Variants in LYN observed in about 807,000 individuals in gnomAD.
LYN encodes the protein tyrosine-protein kinase Lyn.
A neutral mutation model predicts 65.0 loss-of-function variants in LYN; 12 were observed. The ratio of observed to expected loss-of-function variants is 0.18; its 90% CI spans 0.12 to 0.30. The LOEUF is 0.30. Ranked by LOEUF, LYN falls within the 10% of genes least tolerant of loss-of-function variation. The pLI is 1.00. For missense variants in LYN, 380 were observed against 623.2 expected (o/e 0.61, Z 4.16); for synonymous variants, 222 against 221.2 (o/e 1.00, Z -0.03).
intron 12 of LYN, among the ~76,000 whole-genome samples, chr8:56,003,928 C>CTTT (rs1213079280): frequency 2.6e-3 from 277 of 104,668 alleles, no homozygotes; most frequent in Non-Finnish European, 4.4e-3. Flanking sequence ...ATATTTTATT[C>CTTT]TTTTTTTTTT....
intron 1 of LYN, chr8:55,940,197 C>T (rs1010016759): frequency 1.3e-5 from 2 of 152,238 alleles, no homozygotes; most frequent in Non-Finnish European, 2.9e-5. Context: ...ATCTCTCCTT[C>T]CTCTAGACTT....
intron 12 of LYN, among the ~76,000 whole-genome samples, chr8:56,002,489 G>A (rs944894955): frequency 6.6e-6 from 1 of 151,240 alleles, no homozygotes; most frequent in Non-Finnish European, 1.5e-5. Flanking sequence ...GTGCACGCCT[G>A]TAATCCGGAG....
At chr8:55,930,757 C>A (rs886512285) in intron 1 of LYN, among the ~76,000 whole-genome samples, 4 of 152,158 alleles carry the variant, frequency 2.6e-5, no homozygotes, top group African/African-American at 9.6e-5. Context: ...CCTGGTCTTG[C>A]CTCTTCCTCC....
At chr8:55,989,231 G>A (rs995570267) in intron 10 of LYN, among the ~76,000 whole-genome samples, 2 of 152,240 alleles carry the variant, frequency 1.3e-5, no homozygotes, top group African/African-American at 4.8e-5. Flanking sequence ...TTTGAGAAAA[G>A]CGGGAAAGAT....
chr8:55,958,308 T>G (rs1236010312), intron 8 of LYN, among the ~76,000 whole-genome samples: 1 of 152,232 alleles, frequency 6.6e-6, no homozygotes, highest in East Asian at 1.9e-4. Context: ...ATTCAGGTGG[T>G]GCCTAGGAGA....
At chr8:55,990,565 T>C (rs1563326242) in intron 10 of LYN, among the ~76,000 whole-genome samples, 1 of 152,238 alleles carries the variant, frequency 6.6e-6, no homozygotes, top group African/African-American at 2.4e-5. Flanking sequence ...GTCAGAGAAA[T>C]ATATTTTAAG....
chr8:55,889,742 T>C (rs958335875), intron 1 of LYN, among the ~76,000 whole-genome samples: 3 of 152,110 alleles, frequency 2.0e-5, no homozygotes, highest in Non-Finnish European at 2.9e-5. Flanking sequence ...TGGTCAAAAG[T>C]AAGGCAGGGC....
chr8:55,962,071 C>T (rs769661010), intron 8 of LYN, among the ~76,000 whole-genome samples: 1 of 152,218 alleles, frequency 6.6e-6, no homozygotes, highest in Admixed American at 6.5e-5. Context: ...CGTCTTGCCT[C>T]TTTTACTCAA....
At chr8:55,984,395 G>A (rs535767050) in intron 10 of LYN, among the ~76,000 whole-genome samples, 32 of 152,300 alleles carry the variant, frequency 2.1e-4, no homozygotes, top group South Asian at 2.1e-3. Context: ...CCCCAACTCA[G>A]TGCCTATTAC....
intron 5 of LYN, 30 bp downstream of exon 5, chr8:55,950,587 G>A: frequency 6.3e-7 from 1 of 1,591,584 alleles, no homozygotes; most frequent in Non-Finnish European, 8.6e-7. Context: ...CATCTTGGTG[G>A]CTTTATTTGC....
chr8:55,916,184 T>G (rs1805776262), intron 1 of LYN, among the ~76,000 whole-genome samples: 1 of 152,104 alleles, frequency 6.6e-6, no homozygotes, highest in Non-Finnish European at 1.5e-5. Flanking sequence ...GAGATGATCA[T>G]TGGCTAAAAA....
At chr8:55,880,425 G>T (rs111353190) in intron 1 of LYN, among the ~76,000 whole-genome samples, 4 of 152,252 alleles carry the variant, frequency 2.6e-5, no homozygotes, top group Admixed American at 6.5e-5. Flanking sequence ...TGTCCTTCCC[G>T]GTGAGGGCCC....
In LYN at chr8:56,010,368, A is replaced by T; in HGVS notation, c.*258A>T. On this transcript the variant is annotated 3_prime_UTR_variant, in exon 13 of 13. Transcript: ENST00000519728. ...ATCTTGCTCTGCTTGACAACATCTG[A>T]GTGCAGCCGTTTGAGAAGAAAACAT... The T allele has an allele frequency of 2.1e-6, 1 of 467,700 alleles. No individual in the cohort carries two copies. The highest frequency in any genetic ancestry group is 3.9e-6 in the Non-Finnish European group (1 of 255,826). The allele number at this position is 467,700 out of a possible 1,614,324, so 29.0% of individuals were successfully genotyped here.
rs374880395 is a variant in LYN at position 56,009,405 on chromosome 8, G to T, written c.1337-503G>T. 5.9e-5 allele frequency among the ~76,000 whole-genome samples: 9 copies of T among 152,286 alleles called. No individual in the cohort carries two copies. The South Asian group carries it at 1.9e-3, about 32-fold the overall frequency. ...TTAGCTTCTATATTAGTTGGCAAGG[G>T]CTGCCATAACAATACAACACACTGG... On this transcript the variant is annotated intron_variant, in intron 12 of 12. Transcript: ENST00000519728.
intron 1 of LYN, among the ~76,000 whole-genome samples, chr8:55,911,273 A>ACGTGTGTGTATATG (rs1470708431): frequency 4.4e-5 from 2 of 45,294 alleles, no homozygotes; most frequent in African/African-American, 1.5e-4. Flanking sequence ...ATATATATAT[A>ACGTGTGTGTATATG]TATATATATA....
chr8:55,965,826 G>C lies in LYN; in HGVS notation c.791-889G>C, dbSNP rs1263121397. Among the ~76,000 whole-genome samples the C allele has an allele frequency of 2.0e-5, 3 of 152,146 alleles. No individual in the cohort carries two copies. In the South Asian group the frequency reaches 6.2e-4, roughly 32 times the overall value. On this transcript the variant is annotated intron_variant, in intron 8 of 12. Coordinates refer to ENST00000519728, the MANE Select transcript of LYN (RefSeq NM_002350.4). ...GAATAAAGAACATTTTATTATTAGA[G>C]AAAAATATTAGTCCTCGGCTGGGCA...
intron 12 of LYN, 57 bp from the exon 13 acceptor site, chr8:56,009,851 T>TC: frequency 7.0e-7 from 1 of 1,433,766 alleles, no homozygotes; most frequent in Admixed American, 1.7e-5. Flanking sequence ...TGCTTGACCC[T>TC]CTGCCAGGTT....
intron 8 of LYN, among the ~76,000 whole-genome samples, chr8:55,965,247 G>A (rs960660754): frequency 4.6e-5 from 7 of 152,272 alleles, no homozygotes; most frequent in South Asian, 4.1e-4. Flanking sequence ...TGTTCCATGC[G>A]GTGTAAGAGG....
chr8:55,902,180 G>C (rs1168360656), intron 1 of LYN, among the ~76,000 whole-genome samples: 3 of 151,316 alleles, frequency 2.0e-5, no homozygotes, highest in African/African-American at 7.3e-5. Context: ...GGCTAATTTT[G>C]TATTTTTAGT....
Sources: gnomAD v4.1 joint callset for allele counts (sites outside exome capture counted in the v4.1 genomes callset) on GRCh38, gnomAD v4.1.1 for gene constraint, MANE v1.5 for transcripts, NCBI Gene and HGNC (gene_info 2026-07-23, HGNC 2026-07-21) for gene names.